EXOC4: variants seen among roughly 807,000 people sequenced by gnomAD.
EXOC4 encodes the protein SEC8-like 1.
EXOC4 carries 71 observed loss-of-function variants against 107.2 expected under a neutral mutation model. That is an observed-to-expected ratio of 0.66 (90% CI 0.55 to 0.81). EXOC4 has a LOEUF of 0.81. Ranked by LOEUF, EXOC4 falls within the 30% of genes least tolerant of loss-of-function variation. The pLI is 0.00. For synonymous variants in EXOC4, 456 were observed against 441.2 expected (o/e 1.03, Z -0.42); for missense variants, 1,108 against 1,189.6 (o/e 0.93, Z 1.01).
At chr7:133,990,083 G>T (rs1794215670) in intron 14 of EXOC4, among the ~76,000 whole-genome samples, 1 of 152,132 alleles carries the variant, frequency 6.6e-6, no homozygotes, top group South Asian at 2.1e-4. Context: ...TCAAATCAGG[G>T]TAACTGGGAT....
At chr7:133,261,475 G>A (rs1795151594) in intron 1 of EXOC4, among the ~76,000 whole-genome samples, 1 of 151,952 alleles carries the variant, frequency 6.6e-6, no homozygotes, top group Non-Finnish European at 1.5e-5. Context: ...TGCTCAGGCT[G>A]GTCTTGAATT....
intron 11 of EXOC4, among the ~76,000 whole-genome samples, chr7:133,844,938 A>G (rs1798094155): frequency 6.6e-6 from 1 of 152,176 alleles, no homozygotes; most frequent in Non-Finnish European, 1.5e-5. Context: ...TCTACTTTAT[A>G]GCAAATTTCA....
In EXOC4 at chr7:133,642,726, G is replaced by A. The variant is rs180723842; in HGVS notation, c.1514+12585G>A. The stretch of plus-strand genomic sequence containing the variant: ...TTGTGATTTCTTATCCTCAGCCCTT[G>A]AAGTGGAATTCCTTGTTGTAGAATA... On this transcript the variant is annotated intron_variant, in intron 10 of 17. Coordinates refer to ENST00000253861, the MANE Select transcript of EXOC4 (RefSeq NM_021807.4). Among the ~76,000 whole-genome samples, 55 of 152,194 alleles carry A rather than the reference G, an allele frequency of 3.6e-4. No individual in the cohort carries two copies. In the East Asian group the frequency reaches 0.01, roughly 28 times the overall value.
intron 7 of EXOC4, 44 bp downstream of exon 7, chr7:133,375,046 A>G: frequency 6.5e-7 from 1 of 1,527,700 alleles, no homozygotes; most frequent in Non-Finnish European, 9.0e-7. Flanking sequence ...TCAGAGTAAC[A>G]GTTTAGAATA....
chr7:133,350,954 G>A (rs1022384595), intron 5 of EXOC4, among the ~76,000 whole-genome samples: 9 of 151,636 alleles, frequency 5.9e-5, no homozygotes, highest in African/African-American at 1.9e-4. Flanking sequence ...CATTACATAA[G>A]TTTTTCATCT....
At chr7:133,353,405 C>A (rs1460986224) in intron 5 of EXOC4, among the ~76,000 whole-genome samples, 1 of 152,098 alleles carries the variant, frequency 6.6e-6, no homozygotes, top group African/African-American at 2.4e-5. Context: ...TTGTGTGATA[C>A]AGAATTCTTG....
chr7:133,298,010 T>C (rs939882585), intron 3 of EXOC4, among the ~76,000 whole-genome samples: 2 of 152,196 alleles, frequency 1.3e-5, no homozygotes, highest in African/African-American at 4.8e-5. Context: ...TAGATGTTTG[T>C]GTAAATTGCA....
intron 11 of EXOC4, among the ~76,000 whole-genome samples, chr7:133,854,493 G>T (rs1798308198): frequency 6.6e-6 from 1 of 151,456 alleles, no homozygotes; most frequent in Non-Finnish European, 1.5e-5. Flanking sequence ...AGCTAAAGAA[G>T]AGTGCAAGAG....
chr7:133,489,926 C>G (rs1377827544), intron 9 of EXOC4, among the ~76,000 whole-genome samples: 2 of 152,308 alleles, frequency 1.3e-5, no homozygotes, highest in Non-Finnish European at 1.5e-5. Flanking sequence ...TGCCTTGCAG[C>G]CAACATGGAC....
intron 11 of EXOC4, among the ~76,000 whole-genome samples, chr7:133,857,657 G>C (rs989652072): frequency 6.6e-6 from 1 of 151,820 alleles, no homozygotes; most frequent in African/African-American, 2.4e-5. Context: ...AGCTGCTGCG[G>C]CAGGGCAGGC....
At position 133,689,782 on chromosome 7, in the gene EXOC4, C is replaced by T. The variant is rs78422819; in HGVS notation, c.1514+59641C>T. Among the ~76,000 whole-genome samples, 3 of 152,302 alleles carry T rather than the reference C, an allele frequency of 2.0e-5. No individual in the cohort carries two copies. The East Asian group carries it at 5.8e-4, about 29-fold the overall frequency. ...AGAAAGAGGGCTCAGAGGAGCCAGA[C>T]TCAGGTTTGGTCAGGGGAAAGAATT... On this transcript the variant is annotated intron_variant, in intron 10 of 17. Transcript: ENST00000253861.
rs1160304819 is a variant in EXOC4, at chr7:133,961,857, G to A, written c.2206+23788G>A. ...TCAACAGCAGTAATAGTTGGCATTT[G>A]TAGAACACCAACCAGGTAGGAAGCA... On this transcript the variant is annotated intron_variant, in intron 14 of 17. Coordinates refer to ENST00000253861, the MANE Select transcript of EXOC4 (RefSeq NM_021807.4). Among the ~76,000 whole-genome samples the A allele has an allele frequency of 3.3e-5, 5 of 152,322 alleles. No homozygotes were observed. The East Asian group carries it at 7.7e-4, about 24-fold the overall frequency.
chr7:133,470,703 G>A (rs887966130), intron 7 of EXOC4, among the ~76,000 whole-genome samples: 1 of 152,020 alleles, frequency 6.6e-6, no homozygotes, highest in Non-Finnish European at 1.5e-5. Context: ...GAAATTCATG[G>A]TACTTAAAAA....
intron 4 of EXOC4, among the ~76,000 whole-genome samples, chr7:133,307,112 A>G (rs997150690): frequency 2.0e-5 from 3 of 152,228 alleles, no homozygotes; most frequent in South Asian, 2.1e-4. Flanking sequence ...GAGCACTGGA[A>G]GCAGTGCACG....
At chr7:133,545,972 T>C (rs1172077778) in intron 9 of EXOC4, among the ~76,000 whole-genome samples, 1 of 152,206 alleles carries the variant, frequency 6.6e-6, no homozygotes, top group Non-Finnish European at 1.5e-5. Flanking sequence ...TTGGTTTAAC[T>C]TGCTCTTGGA....
intron 12 of EXOC4, among the ~76,000 whole-genome samples, chr7:133,917,211 T>C (rs1563056299): frequency 6.6e-6 from 1 of 152,350 alleles, no homozygotes; most frequent in South Asian, 2.1e-4. Context: ...GTACTAGTTA[T>C]GTTGTCACTT....
chr7:133,392,308 G>C (rs1180490456), intron 7 of EXOC4, among the ~76,000 whole-genome samples: 1 of 152,158 alleles, frequency 6.6e-6, no homozygotes. Flanking sequence ...GCACATTTTA[G>C]ATGCTTTCCT....
chr7:133,261,096 T>C (rs1795141307), intron 1 of EXOC4, among the ~76,000 whole-genome samples: 1 of 152,176 alleles, frequency 6.6e-6, no homozygotes, highest in South Asian at 2.1e-4. Context: ...TTGGGTCTTT[T>C]TCATGTCTCT....
At chr7:134,019,819 T>G (rs918344472) in intron 17 of EXOC4, among the ~76,000 whole-genome samples, 1 of 152,204 alleles carries the variant, frequency 6.6e-6, no homozygotes, top group Non-Finnish European at 1.5e-5. Flanking sequence ...TTTCCTTTAT[T>G]TTCTCTGGTT....
Sources: gnomAD v4.1 joint callset for allele counts (sites outside exome capture counted in the v4.1 genomes callset) on GRCh38, gnomAD v4.1.1 for gene constraint, MANE v1.5 for transcripts, NCBI Gene and HGNC (gene_info 2026-07-23, HGNC 2026-07-21) for gene names.